C1orf159: variants seen among roughly 807,000 people sequenced by gnomAD.
The protein encoded by C1orf159 is uncharacterized protein C1orf159.
C1orf159 carries 19 observed loss-of-function variants against 25.6 expected under a neutral mutation model. The ratio of observed to expected loss-of-function variants is 0.74; its 90% confidence interval spans 0.52 to 1.09. C1orf159 has a LOEUF of 1.09. Ranked by LOEUF, C1orf159 falls within the 50% of genes least tolerant of loss-of-function variation. C1orf159 has a pLI of 0.00. For missense variants in C1orf159, 274 were observed against 290.6 expected, an observed-to-expected ratio of 0.94 and a Z score of 0.42; for synonymous variants, 139 against 124.7, an observed-to-expected ratio of 1.12 and a Z score of -0.77.
chr1:1,098,930 A>G (rs1346225219), intron 1 of C1orf159, among the ~76,000 whole-genome samples: 1 of 152,194 alleles, frequency 6.6e-6, no homozygotes, highest in Non-Finnish European at 1.5e-5. Flanking sequence ...GTAACTTCCT[A>G]TAAATACCAT....
Position 1,112,551 on chromosome 1 carries a change from C to T in C1orf159, c.-136+3509G>A, listed in dbSNP as rs113865464. On this transcript the variant is annotated intron_variant, in intron 1 of 9. Coordinates refer to ENST00000421241, the MANE Select transcript of C1orf159 (RefSeq NM_017891.5). ...CCAGTGAACACAACGCGCACGCTCC[C>T]TCCCTCCAGTGAACACACAGCGCAT... Among the ~76,000 whole-genome samples, 401 of 152,192 alleles carry T rather than the reference C, an allele frequency of 2.6e-3. 2 individuals are homozygous for T. The highest frequency in any genetic ancestry group is 9.2e-3 in the African/African-American group (384 of 41,520).
intron 1 of C1orf159, among the ~76,000 whole-genome samples, chr1:1,097,331 C>T (rs887817888): frequency 3.3e-5 from 5 of 152,154 alleles, no homozygotes; most frequent in Admixed American, 3.3e-4. Context: ...GGTCTCACTT[C>T]TGACCTCAAG....
In C1orf159 at chr1:1,091,463, G is replaced by C; in HGVS notation, c.72+9C>G. The C allele has an allele frequency of 6.5e-7, 1 of 1,549,996 alleles. No individual in the cohort carries two copies. Among genetic ancestry groups the C allele is most frequent in the Non-Finnish European group, 8.7e-7 (1 of 1,146,524 alleles). ...TTAGGCCGCGTGGACACGTGAGGGGGGCACCTACCGTGTTCTCCATGGACT... is the reference window on the plus strand; with the variant it reads ...TTAGGCCGCGTGGACACGTGAGGGGCGCACCTACCGTGTTCTCCATGGACT... On this transcript the variant is annotated intron_variant, in intron 3 of 9. Transcript: ENST00000421241.
intron 1 of C1orf159, among the ~76,000 whole-genome samples, chr1:1,114,501 C>T (rs956947546): frequency 6.6e-5 from 10 of 152,226 alleles, no homozygotes; most frequent in African/African-American, 2.4e-4. Flanking sequence ...CAGGGAGCAG[C>T]TGGGAGGTAT....
At chr1:1,115,496 C>G in intron 1 of C1orf159, among the ~76,000 whole-genome samples, 1 of 121,100 alleles carries the variant, frequency 8.3e-6, no homozygotes, top group Admixed American at 8.3e-5. Flanking sequence ...TCCCCAGGGA[C>G]CCCCTCCCTG....
chr1:1,087,258 C>T lies in C1orf159; in HGVS notation c.245-54G>A. On this transcript the variant is annotated intron_variant, in intron 5 of 9. Transcript: ENST00000421241. This position sits in a 1 kb window ranked among gnomAD's most constrained non-coding sequence, Gnocchi z 8.3. ...TGTGTGCACGGAGCCCACGGGGACA[C>T]CCACGTGCACCCTGAAGGGATCTCA... 1 of 1,498,226 alleles carries T rather than the reference C, an allele frequency of 6.7e-7. No individual in the cohort carries two copies. The highest frequency in any genetic ancestry group is 9.0e-7 in the Non-Finnish European group (1 of 1,106,262). 92.8% of individuals were successfully genotyped at this position (1,498,226 alleles called of 1,614,324 possible). A position where few individuals can be genotyped will look rare whatever the true frequency, so the allele number is the denominator to read the frequency against.
At chr1:1,101,299 A>G (rs1646096292) in intron 1 of C1orf159, among the ~76,000 whole-genome samples, 1 of 152,152 alleles carries the variant, frequency 6.6e-6, no homozygotes, top group African/African-American at 2.4e-5. Flanking sequence ...CCTGGCCAAC[A>G]TAGCAAAACC....
At chr1:1,084,981 T>C (rs1645806828) in intron 7 of C1orf159, among the ~76,000 whole-genome samples, 1 of 152,106 alleles carries the variant, frequency 6.6e-6, no homozygotes, top group African/African-American at 2.4e-5. Flanking sequence ...CCAACCTGGC[T>C]TCTCGTCCCG....
intron 7 of C1orf159, among the ~76,000 whole-genome samples, chr1:1,085,566 G>A (rs780058711): frequency 5.9e-5 from 9 of 152,186 alleles, no homozygotes; most frequent in Non-Finnish European, 8.8e-5. Context: ...ACCCAGCCCC[G>A]CTCCACTCGC....
Position 1,090,795 on chromosome 1 carries a change from G to A in C1orf159, c.73-367C>T, listed in dbSNP as rs571845009. ...GCTTGACCCCACAGAGGAAGTGCCC[G>A]GGCCTGGCTGGCATTTCAGGGGACG... On this transcript the variant is annotated intron_variant, in intron 3 of 9. Transcript: ENST00000421241. The A allele has an allele frequency of 2.1e-4, 253 of 1,201,008 alleles. 3 individuals carry two copies. The highest frequency in any genetic ancestry group is 1.4e-3 in the South Asian group (108 of 77,008). The allele number at this position is 1,201,008 out of a possible 1,614,324, so 74.4% of individuals were successfully genotyped here.
rs577400774 is a variant in C1orf159 at position 1,091,120 on chromosome 1, G to A, written c.72+352C>T. ...AGTGAGGGGTCCCCACCCTCCACCC[G>A]CTCCGCCTGGGAGTCTGGAGCCGCC... On this transcript the variant is annotated intron_variant, in intron 3 of 9. Coordinates refer to ENST00000421241, the MANE Select transcript of C1orf159 (RefSeq NM_017891.5). The A allele has an allele frequency of 1.9e-4, 133 of 690,482 alleles. 1 individual carries two copies. The highest frequency in any genetic ancestry group is 3.3e-4 in the Middle Eastern group (1 of 2,986). 42.8% of individuals were successfully genotyped at this position (690,482 alleles called of 1,614,324 possible).
rs1411015073 is a variant in C1orf159 at position 1,089,299 on chromosome 1, G to C, written c.148+1054C>G. The stretch of plus-strand genomic sequence containing the variant: ...GCTGCCTGCACCCACAGAGTGCCTG[G>C]GGTACACAATCCCTCACAGGAGACG... On this transcript the variant is annotated intron_variant, in intron 4 of 9. Transcript: ENST00000421241. This position sits in a 1 kb window ranked among gnomAD's most constrained non-coding sequence, Gnocchi z 7.5. 2.6e-5 allele frequency among the ~76,000 whole-genome samples: 4 copies of C among 152,122 alleles called. No individual in the cohort carries two copies. The highest frequency in any genetic ancestry group is 4.4e-5 in the Non-Finnish European group (3 of 67,996).
chr1:1,113,839 G>A (rs910779155), intron 1 of C1orf159, among the ~76,000 whole-genome samples: 5 of 151,888 alleles, frequency 3.3e-5, no homozygotes, highest in East Asian at 1.9e-4. Flanking sequence ...CCGTCCACCC[G>A]CACAGCGGCT....
Position 1,090,303 on chromosome 1 carries a change from C to A in C1orf159, c.148+50G>T, listed in dbSNP as rs78892683. ...GGGGAGGGCCCTGGGCACACACACA[C>A]CAGTGGCTCAGGGGCCGGTCTGGAA... On this transcript the variant is annotated intron_variant, in intron 4 of 9. Coordinates refer to ENST00000421241, the MANE Select transcript of C1orf159 (RefSeq NM_017891.5). 2,491 of 1,523,178 alleles carry A rather than the reference C, an allele frequency of 1.6e-3. 23 individuals carry two copies. In the Admixed American group the frequency reaches 0.025, roughly 15 times the overall value. The allele number at this position is 1,523,178 out of a possible 1,614,324, so 94.4% of individuals were successfully genotyped here.
rs1645900057 is a variant in C1orf159, at chr1:1,089,917, C to T, written c.148+436G>A. On this transcript the variant is annotated intron_variant, in intron 4 of 9. Coordinates refer to ENST00000421241, the MANE Select transcript of C1orf159 (RefSeq NM_017891.5). This position sits in a 1 kb window ranked among gnomAD's most constrained non-coding sequence, Gnocchi z 7.5. ...TGGCACGCTGACACAGGCCGGCATCCTCGTGGCGTCCTGTTGATTGGCATT... is the reference window on the plus strand; with the variant it reads ...TGGCACGCTGACACAGGCCGGCATCTTCGTGGCGTCCTGTTGATTGGCATT... Among the ~76,000 whole-genome samples the T allele has an allele frequency of 6.6e-6, 1 of 152,216 alleles. No individual in the cohort carries two copies. Among genetic ancestry groups the T allele is most frequent in the African/African-American group, 2.4e-5 (1 of 41,450 alleles).
Position 1,110,136 on chromosome 1 carries a change from T to C in C1orf159, c.-136+5924A>G, listed in dbSNP as rs578080361. Among the ~76,000 whole-genome samples, 1 of 152,370 alleles carries C rather than the reference T, an allele frequency of 6.6e-6. No homozygotes were observed. The highest frequency in any genetic ancestry group is 6.5e-5 in the Admixed American group (1 of 15,314). On this transcript the variant is annotated intron_variant, in intron 1 of 9. Transcript: ENST00000421241. The surrounding 1 kb of genome is among the most constrained non-coding windows in gnomAD (Gnocchi z 4.8). The stretch of plus-strand genomic sequence containing the variant: ...GTCCTGATTATAACTCGGCGTCTTA[T>C]TGCCGCAGAGTCTGTCAGTCTCGTG...
chr1:1,101,437 T>C (rs61766341), intron 1 of C1orf159, among the ~76,000 whole-genome samples: 27,519 of 152,140 alleles, frequency 0.18, 3,261 homozygotes, highest in Middle Eastern at 0.31. Flanking sequence ...AAGCTGAGAC[T>C]GTACCACTGC....
At chr1:1,093,204 G>A (rs982764978) in intron 1 of C1orf159, among the ~76,000 whole-genome samples, 6 of 152,240 alleles carry the variant, frequency 3.9e-5, no homozygotes, top group African/African-American at 1.2e-4. Flanking sequence ...AGCAGAGACC[G>A]TCTTCCCCTG....
Position 1,091,033 on chromosome 1 carries a change from G to A in C1orf159, c.72+439C>T, listed in dbSNP as rs947048110. ...GTCCAGGGGTGACTGCGGAGTGCGG[G>A]ATAGAATCCACACCGCCAGGGAGGG... On this transcript the variant is annotated intron_variant, in intron 3 of 9. Coordinates refer to ENST00000421241, the MANE Select transcript of C1orf159 (RefSeq NM_017891.5). 10 of 1,426,566 alleles carry A rather than the reference G, an allele frequency of 7.0e-6. No homozygotes were observed. The African/African-American group carries it at 1.1e-4, about 16-fold the overall frequency. The allele number at this position is 1,426,566 out of a possible 1,614,324, so 88.4% of individuals were successfully genotyped here. A position where few individuals can be genotyped will look rare whatever the true frequency, so the allele number is the denominator to read the frequency against.
Sources: gnomAD v4.1 joint callset for allele counts (sites outside exome capture counted in the v4.1 genomes callset) on GRCh38, gnomAD v4.1.1 for gene constraint, Gnocchi (gnomAD v3.1) non-coding constraint, MANE v1.5 for transcripts, NCBI Gene and HGNC (gene_info 2026-07-23, HGNC 2026-07-21) for gene names.